Variants in TBX15 observed in about 807,000 individuals in gnomAD.
TBX15 encodes the protein T-box transcription factor TBX15.
Under a neutral mutation model 53.9 loss-of-function variants are expected in TBX15, and 18 were observed. The ratio of observed to expected loss-of-function variants is 0.33; its 90% confidence interval spans 0.23 to 0.49. The LOEUF (loss-of-function observed/expected upper bound fraction) is 0.49, where lower values mean the gene tolerates loss of function less well. Among genes scored for constraint, TBX15 ranks in the 20% least tolerant of loss-of-function variants. TBX15 has a pLI of 0.98. For synonymous variants in TBX15, 295 were observed against 278.0 expected (o/e 1.06, Z -0.61); for missense variants, 692 against 749.5 (o/e 0.92, Z 0.90).
At chr1:118,893,328 A>AG (rs71070771) in intron 7 of TBX15, among the ~76,000 whole-genome samples, 105 of 91,770 alleles carry the variant, frequency 1.1e-3, no homozygotes, top group African/African-American at 2.7e-3. Context: ...GAAAGAAAGA[A>AG]GAAAGAAGGA....
intron 6 of TBX15, among the ~76,000 whole-genome samples, chr1:118,903,432 T>C (rs561602837): frequency 6.6e-6 from 1 of 152,322 alleles, no homozygotes; most frequent in South Asian, 2.1e-4. Context: ...ATAATTATAA[T>C]AAATTTCATG....
intron 7 of TBX15, among the ~76,000 whole-genome samples, chr1:118,897,817 T>C (rs1654481383): frequency 6.6e-6 from 1 of 152,132 alleles, no homozygotes; most frequent in African/African-American, 2.4e-5. Context: ...GGGAGGAATA[T>C]ATAAAAGAGA....
intron 1 of TBX15, among the ~76,000 whole-genome samples, chr1:118,939,425 A>C (rs1656082312): frequency 9.3e-6 from 1 of 107,720 alleles, no homozygotes; most frequent in South Asian, 2.9e-4. Flanking sequence ...AAAAAAAAAA[A>C]AAAAAAAAAA....
rs537917961 is a variant in TBX15, at chr1:118,917,563, A to G, written c.862-3384T>C. On this transcript the variant is annotated intron_variant, in intron 5 of 7. Transcript: ENST00000369429. ...TGCACATCCTGCATATGTGTCGTGG[A>G]ACTTAAAATAAAATTTAATTTAAAA... Among the ~76,000 whole-genome samples the G allele has an allele frequency of 2.0e-5, 3 of 152,346 alleles. No individual in the cohort carries two copies. In the East Asian group the frequency reaches 5.8e-4, roughly 29 times the overall value.
At chr1:118,912,479 C>G (rs1476874094) in intron 6 of TBX15, among the ~76,000 whole-genome samples, 2 of 152,070 alleles carry the variant, frequency 1.3e-5, no homozygotes. Flanking sequence ...CATGGCCTAC[C>G]TCCAGAAATA....
chr1:118,918,581 A>G (rs1655324154), intron 5 of TBX15, among the ~76,000 whole-genome samples: 1 of 152,196 alleles, frequency 6.6e-6, no homozygotes, highest in East Asian at 1.9e-4. Context: ...TGATAATGAG[A>G]AGACAGGGAA....
chr1:118,966,570 C>T lies in TBX15; in HGVS notation c.205+21021G>A, dbSNP rs897328820. 5.3e-5 allele frequency among the ~76,000 whole-genome samples: 8 copies of T among 152,310 alleles called. No homozygotes were observed. In the East Asian group the frequency reaches 1.4e-3, roughly 26 times the overall value. ...AGCACATCCTCTAAACTTCCATCCA[C>T]ACTGCCCAGGGTAAGGAAATGAGGT... On this transcript the variant is annotated intron_variant, in intron 1 of 7. Transcript: ENST00000369429.
At position 118,963,636 on chromosome 1, in the gene TBX15, G is replaced by C. The variant is rs370680868; in HGVS notation, c.205+23955C>G. ...GGAACTATAAAATGAAAGCAGACTGGGTCCCTGAGTCACCACTCAGAAGAG... is the reference window on the plus strand; with the variant it reads ...GGAACTATAAAATGAAAGCAGACTGCGTCCCTGAGTCACCACTCAGAAGAG... On this transcript the variant is annotated intron_variant, in intron 1 of 7. Transcript: ENST00000369429. Among the ~76,000 whole-genome samples the C allele has an allele frequency of 3.3e-5, 5 of 152,174 alleles. No individual in the cohort carries two copies. The East Asian group carries it at 5.8e-4, about 18-fold the overall frequency.
At chr1:118,959,051 AG>A (rs1656782809) in intron 1 of TBX15, among the ~76,000 whole-genome samples, 1 of 144,806 alleles carries the variant, frequency 6.9e-6, no homozygotes, top group Non-Finnish European at 1.5e-5. Flanking sequence ...AGAGAGAGAG[AG>A]AGTATGTGTG....
At chr1:118,935,140 A>G (rs1262029468) in intron 1 of TBX15, among the ~76,000 whole-genome samples, 1 of 152,198 alleles carries the variant, frequency 6.6e-6, no homozygotes, top group African/African-American at 2.4e-5. Flanking sequence ...GTCAAGATTA[A>G]CAGCCTAGGT....
At chr1:118,915,070 C>T (rs940622233) in intron 5 of TBX15, among the ~76,000 whole-genome samples, 1 of 152,160 alleles carries the variant, frequency 6.6e-6, no homozygotes, top group African/African-American at 2.4e-5. Flanking sequence ...CAAGCCTGAA[C>T]AACATATGTC....
At chr1:118,886,538 A>G (rs909550517) in intron 7 of TBX15, among the ~76,000 whole-genome samples, 1 of 152,224 alleles carries the variant, frequency 6.6e-6, no homozygotes, top group African/African-American at 2.4e-5. Flanking sequence ...CCTCGGATGA[A>G]CTAAAGGAAA....
intron 7 of TBX15, among the ~76,000 whole-genome samples, chr1:118,894,121 G>T (rs1654311811): frequency 1.3e-5 from 2 of 152,176 alleles, no homozygotes; most frequent in South Asian, 2.1e-4. Context: ...TCCAGAGAAA[G>T]AGAACAACGT....
intron 7 of TBX15, among the ~76,000 whole-genome samples, chr1:118,889,706 A>G (rs747515122): frequency 3.3e-5 from 5 of 152,360 alleles, no homozygotes; most frequent in South Asian, 2.1e-4. Flanking sequence ...GGAATTGCCA[A>G]TATCTATTTT....
At chr1:118,967,042 G>A (rs541876435) in intron 1 of TBX15, among the ~76,000 whole-genome samples, 7 of 152,258 alleles carry the variant, frequency 4.6e-5, no homozygotes, top group African/African-American at 1.7e-4. Context: ...TTGCAAGCCA[G>A]GGATGGTGTG....
intron 1 of TBX15, among the ~76,000 whole-genome samples, chr1:118,932,076 G>A (rs145402535): frequency 6.6e-6 from 1 of 152,080 alleles, no homozygotes; most frequent in Admixed American, 6.5e-5. Flanking sequence ...ATTTTAGTAA[G>A]TTTTAGCAAC....
chr1:118,931,841 T>G lies in TBX15; in HGVS notation c.206-9A>C, dbSNP rs1365702378. 6.4e-7 allele frequency: 1 copy of G among 1,559,304 alleles called. No homozygotes were observed. Among genetic ancestry groups the G allele is most frequent in the East Asian group, 2.4e-5 (1 of 41,978 alleles). On this transcript the variant is annotated splice_polypyrimidine_tract_variant and intron_variant, in intron 1 of 7. Transcript: ENST00000369429. ...AGTGCTCTGCTCAGAATCTGCAAAA[T>G]AAACAATCAAGCCTTAGGTGAGAAA...
chr1:118,919,880 C>T (rs1655364924), intron 5 of TBX15, among the ~76,000 whole-genome samples: 1 of 152,104 alleles, frequency 6.6e-6, no homozygotes, highest in African/African-American at 2.4e-5. Context: ...AAATAAGTGA[C>T]ATTTTTATAT....
At chr1:118,987,492 G>T in intron 1 of TBX15, 99 bp downstream of exon 1, 2 of 1,342,178 alleles carry the variant, frequency 1.5e-6, no homozygotes. Flanking sequence ...GCAAGGCAGG[G>T]CGTCAATGGC....
Sources: allele counts gnomAD v4.1 joint callset (sites outside exome capture counted in the v4.1 genomes callset), GRCh38; gene constraint gnomAD v4.1.1; transcripts MANE v1.5; gene names NCBI Gene and HGNC (gene_info 2026-07-23, HGNC 2026-07-21).